TTC6: variants seen among roughly 807,000 people sequenced by gnomAD.
TTC6 encodes tetratricopeptide repeat domain 6, also known as tetratricopeptide repeat protein 6.
In TTC6, 172 loss-of-function variants were observed where a neutral mutation model predicts 210.4. The ratio of observed to expected loss-of-function variants is 0.82; its 90% CI spans 0.72 to 0.93. The LOEUF is 0.93. Ranked by LOEUF, TTC6 falls within the 40% of genes least tolerant of loss-of-function variation. The pLI is 0.00. For synonymous variants in TTC6, 804 were observed against 819.6 expected, an observed-to-expected ratio of 0.98 and a Z score of 0.32; for missense variants, 2,414 against 2,318.1, an observed-to-expected ratio of 1.04 and a Z score of -0.85.
At chr14:37,624,386 T>C (rs912510094) in intron 1 of TTC6, among the ~76,000 whole-genome samples, 13 of 152,284 alleles carry the variant, frequency 8.5e-5, no homozygotes, top group African/African-American at 3.1e-4. Context: ...ACTTCTGACA[T>C]AGGCTCCATG....
chr14:37,645,649 A>G (rs902903525), intron 1 of TTC6, among the ~76,000 whole-genome samples: 12 of 152,196 alleles, frequency 7.9e-5, no homozygotes, highest in Admixed American at 7.9e-4. Context: ...CAATTCATGT[A>G]TGAAGGAGAA....
chr14:37,690,898 A>C (rs946056939), intron 3 of TTC6, among the ~76,000 whole-genome samples: 1 of 152,228 alleles, frequency 6.6e-6, no homozygotes, highest in Non-Finnish European at 1.5e-5. Flanking sequence ...AGAACATTTC[A>C]TCCAATGGTT....
intron 26 of TTC6, among the ~76,000 whole-genome samples, chr14:37,821,970 G>A (rs1211481443): frequency 1.3e-5 from 2 of 151,572 alleles, no homozygotes; most frequent in Admixed American, 6.6e-5. Context: ...CAGTAGAGAC[G>A]GGGTGTCACC....
chr14:37,780,575 T>A (rs959003536), intron 14 of TTC6, among the ~76,000 whole-genome samples: 3 of 152,194 alleles, frequency 2.0e-5, no homozygotes, highest in Non-Finnish European at 2.9e-5. Flanking sequence ...GCAAAAGACA[T>A]GTTCTCATTT....
At chr14:37,741,440 C>T (rs2095919527) in intron 10 of TTC6, among the ~76,000 whole-genome samples, 1 of 151,904 alleles carries the variant, frequency 6.6e-6, no homozygotes, top group South Asian at 2.1e-4. Flanking sequence ...AGGCGTGTGC[C>T]ACCACACCTG....
intron 22 of TTC6, among the ~76,000 whole-genome samples, chr14:37,806,984 G>A (rs2096119770): frequency 6.6e-6 from 1 of 152,098 alleles, no homozygotes; most frequent in African/African-American, 2.4e-5. Flanking sequence ...GTGTGGTTAT[G>A]TACGAGAATG....
At chr14:37,784,281 C>G (rs1028214166) in intron 14 of TTC6, among the ~76,000 whole-genome samples, 1 of 152,112 alleles carries the variant, frequency 6.6e-6, no homozygotes, top group Non-Finnish European at 1.5e-5. Context: ...TCTCTAAGGA[C>G]TTGCTTTATG....
At chr14:37,775,758 C>T (rs2096035355) in intron 14 of TTC6, among the ~76,000 whole-genome samples, 1 of 152,150 alleles carries the variant, frequency 6.6e-6, no homozygotes, top group Non-Finnish European at 1.5e-5. Context: ...ATCTAAGTCT[C>T]TTCATAGGTC....
chr14:37,616,256 T>C (rs1325282522), intron 2 of TTC6, among the ~76,000 whole-genome samples: 2 of 152,208 alleles, frequency 1.3e-5, no homozygotes, highest in Non-Finnish European at 2.9e-5. Flanking sequence ...TTCTCAGTGA[T>C]GTTTGTTGTC....
intron 3 of TTC6, among the ~76,000 whole-genome samples, chr14:37,694,354 G>T (rs762719490): frequency 4.0e-5 from 6 of 151,834 alleles, no homozygotes; most frequent in Non-Finnish European, 8.8e-5. Flanking sequence ...CATATGAAAA[G>T]TGCTCAAAAC....
chr14:37,796,180 A>G (rs1228540373), intron 18 of TTC6, 114 bp from the exon 21 acceptor site: 2 of 471,278 alleles, frequency 4.2e-6, no homozygotes, highest in Non-Finnish European at 3.8e-6. Flanking sequence ...TTATGCATAC[A>G]TAAGTAAATA....
At chr14:37,801,211 G>T (rs2096105871) in intron 20 of TTC6, among the ~76,000 whole-genome samples, 1 of 152,164 alleles carries the variant, frequency 6.6e-6, no homozygotes. Context: ...AGATGGAGAG[G>T]AATTGTGTCC....
chr14:37,806,414 C>CT lies in TTC6; in HGVS notation c.4222dup (p.Tyr1408LeufsTer7), dbSNP rs2096118673. On this transcript the variant is annotated frameshift_variant, in exon 22 of 31. Coordinates refer to ENST00000553443, the Ensembl canonical transcript of TTC6. LOFTEE classifies it high-confidence loss of function. ...AAGCAAATCCAGATTTTGCAGAAAG[C>CT]TTTTATCAGCGAGGGCTTTGTAAAG... is the stretch of plus-strand genomic sequence containing the variant. 6.5e-7 allele frequency: 1 copy of CT among 1,535,538 alleles called. No individual in the cohort carries two copies. Among genetic ancestry groups the CT allele is most frequent in the African/African-American group, 1.4e-5 (1 of 73,150 alleles).
rs903028261 is a variant in TTC6, at chr14:37,841,335, G to C, written c.5299-110G>C. ...GTACCTGGGATGAAATGCTTCTGTTGACCTCTTGGTATGCCACTGGCCTTA... is the reference window on the plus strand; with the variant it reads ...GTACCTGGGATGAAATGCTTCTGTTCACCTCTTGGTATGCCACTGGCCTTA... On this transcript the variant is annotated intron_variant, in intron 29 of 30. Transcript: ENST00000553443. The C allele has an allele frequency of 1.1e-5, 10 of 894,714 alleles. No homozygotes were observed. The African/African-American group carries it at 1.7e-4, about 15-fold the overall frequency. 55.4% of individuals were successfully genotyped at this position (894,714 alleles called of 1,614,324 possible). A position where few individuals can be genotyped will look rare whatever the true frequency, so the allele number is the denominator to read the frequency against.
intron 3 of TTC6, among the ~76,000 whole-genome samples, chr14:37,690,708 A>G (rs1947674132): frequency 6.6e-6 from 1 of 152,114 alleles, no homozygotes; most frequent in South Asian, 2.1e-4. Flanking sequence ...TGCACCCAAC[A>G]CTGGAGTGCC....
intron 7 of TTC6, among the ~76,000 whole-genome samples, chr14:37,729,805 T>A (rs2095881323): frequency 6.6e-6 from 1 of 152,196 alleles, no homozygotes; most frequent in Non-Finnish European, 1.5e-5. Flanking sequence ...CAATGTTTTT[T>A]AAACTATATG....
chr14:37,629,017 T>C (rs2095664958), intron 1 of TTC6, among the ~76,000 whole-genome samples: 1 of 152,200 alleles, frequency 6.6e-6, no homozygotes, highest in Admixed American at 6.5e-5. Context: ...AGCTGTGTAG[T>C]ATAGTTTGAA....
chr14:37,602,295 A>G (rs1290676734), intron 1 of TTC6, among the ~76,000 whole-genome samples: 1 of 152,220 alleles, frequency 6.6e-6, no homozygotes, highest in African/African-American at 2.4e-5. Flanking sequence ...TTTATTCTAC[A>G]TAAGATACAA....
intron 15 of TTC6, among the ~76,000 whole-genome samples, chr14:37,789,596 T>TTATATATATATATATATATATA (rs1283814571): frequency 6.2e-4 from 83 of 134,448 alleles, no homozygotes; most frequent in African/African-American, 2.2e-3. Flanking sequence ...TGGTTTCCTC[T>TTATATATATATATATATATATA]TATATATATA....
Sources: allele counts gnomAD v4.1 joint callset (sites outside exome capture counted in the v4.1 genomes callset), GRCh38; gene constraint gnomAD v4.1.1; transcripts MANE v1.5; gene names NCBI Gene and HGNC (gene_info 2026-07-23, HGNC 2026-07-21).